Variants in CNTN4 observed in about 807,000 individuals in gnomAD.
CNTN4 encodes contactin-4.
A neutral mutation model predicts 122.5 loss-of-function variants in CNTN4; 77 were observed. The ratio of observed to expected loss-of-function variants is 0.63; its 90% CI spans 0.52 to 0.76. The LOEUF is 0.76. CNTN4 is among the 30% of genes least tolerant of loss of function. The pLI, the probability that CNTN4 is intolerant of heterozygous loss-of-function variation, is 0.00. For synonymous variants in CNTN4, 512 were observed against 447.0 expected (o/e 1.15, Z -1.83); for missense variants, 1,256 against 1,259.1 (o/e 1.00, Z 0.04).
intron 9 of CNTN4, 61 bp from the exon 10 acceptor site, chr3:2,886,979 G>T: frequency 1.4e-6 from 2 of 1,456,320 alleles, no homozygotes; most frequent in South Asian, 1.2e-5. Flanking sequence ...AAGCGTTTAG[G>T]TTCAGATAAA....
chr3:2,331,695 T>G (rs1332793046), intron 2 of CNTN4, among the ~76,000 whole-genome samples: 1 of 152,114 alleles, frequency 6.6e-6, no homozygotes, highest in Admixed American at 6.5e-5. Flanking sequence ...ATTCATTCCT[T>G]GTCTATGAGG....
At chr3:2,722,295 C>T (rs917965245) in intron 4 of CNTN4, among the ~76,000 whole-genome samples, 1 of 152,200 alleles carries the variant, frequency 6.6e-6, no homozygotes, top group Non-Finnish European at 1.5e-5. Context: ...TTACTTCTCT[C>T]TGTCTATCCT....
At chr3:2,355,209 G>A (rs2044817386) in intron 3 of CNTN4, among the ~76,000 whole-genome samples, 1 of 152,134 alleles carries the variant, frequency 6.6e-6, no homozygotes, top group Non-Finnish European at 1.5e-5. Flanking sequence ...AATTTTGTTC[G>A]TGTTTAAGGA....
At chr3:2,801,690 T>C (rs1378086433) in intron 6 of CNTN4, among the ~76,000 whole-genome samples, 1 of 150,098 alleles carries the variant, frequency 6.7e-6, no homozygotes, top group East Asian at 1.9e-4. Flanking sequence ...ATGTCTACTC[T>C]GTCAGACAGT....
At chr3:2,861,277 G>A (rs540379450) in intron 7 of CNTN4, among the ~76,000 whole-genome samples, 1 of 152,110 alleles carries the variant, frequency 6.6e-6, no homozygotes, top group Admixed American at 6.5e-5. Context: ...TTTTCCCTTT[G>A]CTCAGCACAC....
At chr3:2,773,770 T>TTTTTC (rs1446923305) in intron 6 of CNTN4, among the ~76,000 whole-genome samples, 1 of 143,674 alleles carries the variant, frequency 7.0e-6, no homozygotes, top group African/African-American at 2.6e-5. Context: ...GACTTTTTTT[T>TTTTTC]TTTTTTTTGA....
intron 7 of CNTN4, among the ~76,000 whole-genome samples, chr3:2,826,479 G>A (rs963349842): frequency 1.3e-5 from 2 of 152,160 alleles, no homozygotes; most frequent in African/African-American, 4.8e-5. Flanking sequence ...TATTTCAGCT[G>A]GACCATGCTG....
At chr3:2,796,370 T>G (rs2092180887) in intron 6 of CNTN4, among the ~76,000 whole-genome samples, 1 of 152,040 alleles carries the variant, frequency 6.6e-6, no homozygotes, top group African/African-American at 2.4e-5. Flanking sequence ...GAATTTGAAG[T>G]TTTTTAAAGG....
intron 13 of CNTN4, among the ~76,000 whole-genome samples, chr3:2,951,325 G>C (rs1353370051): frequency 6.6e-6 from 1 of 152,136 alleles, no homozygotes; most frequent in East Asian, 1.9e-4. Flanking sequence ...ATTCTCATAA[G>C]GGGCATGCAA....
At chr3:2,680,292 T>G (rs2085096802) in intron 4 of CNTN4, among the ~76,000 whole-genome samples, 1 of 152,186 alleles carries the variant, frequency 6.6e-6, no homozygotes, top group East Asian at 1.9e-4. Context: ...GCCTTGAAGG[T>G]AGTTTTGGAC....
In CNTN4 at chr3:2,814,838, G is replaced by C. The variant is rs145014342; in HGVS notation, c.359-4648G>C. On this transcript the variant is annotated intron_variant, in intron 6 of 24. Coordinates refer to ENST00000418658, the MANE Select transcript of CNTN4 (RefSeq NM_175607.3). ...TTCAGCTGTGTCACCTATAAATTGGGAGTTTAAAGTGTAATGGAATTCAAT... is the reference window on the plus strand; with the variant it reads ...TTCAGCTGTGTCACCTATAAATTGGCAGTTTAAAGTGTAATGGAATTCAAT... Among the ~76,000 whole-genome samples the C allele has an allele frequency of 5.3e-5, 8 of 152,298 alleles. No homozygotes were observed. The East Asian group carries it at 1.5e-3, about 29-fold the overall frequency.
chr3:2,697,545 C>G (rs2086107556), intron 4 of CNTN4, among the ~76,000 whole-genome samples: 1 of 152,016 alleles, frequency 6.6e-6, no homozygotes, highest in South Asian at 2.1e-4. Flanking sequence ...ATGTTTGTCC[C>G]CACAAAGAAG....
intron 3 of CNTN4, among the ~76,000 whole-genome samples, chr3:2,493,201 A>G (rs2076365297): frequency 1.3e-5 from 2 of 152,230 alleles, no homozygotes; most frequent in Non-Finnish European, 2.9e-5. Flanking sequence ...GTTGCTGTCC[A>G]TACTCTCAAA....
intron 8 of CNTN4, among the ~76,000 whole-genome samples, chr3:2,880,725 G>C (rs1343607175): frequency 6.6e-6 from 1 of 152,178 alleles, no homozygotes; most frequent in South Asian, 2.1e-4. Context: ...TCATTTCGTG[G>C]TGAGAGGCCT....
intron 23 of CNTN4, among the ~76,000 whole-genome samples, chr3:3,052,476 C>T (rs933598608): frequency 6.6e-6 from 1 of 150,970 alleles, no homozygotes; most frequent in African/African-American, 2.4e-5. Context: ...ATGGTTCTAA[C>T]ATGCAGCCAG....
intron 4 of CNTN4, among the ~76,000 whole-genome samples, chr3:2,730,874 G>C (rs1194398186): frequency 6.6e-6 from 1 of 151,896 alleles, no homozygotes; most frequent in Non-Finnish European, 1.5e-5. Flanking sequence ...GCTTGCCTGG[G>C]AGGGAAGTTC....
At chr3:2,380,057 C>CAAA (rs5846182) in intron 3 of CNTN4, among the ~76,000 whole-genome samples, 24,270 of 119,350 alleles carry the variant, frequency 0.2, 2,631 homozygotes, top group African/African-American at 0.25. Context: ...AACTCCATCT[C>CAAA]AAAAAAAAAA....
chr3:2,671,315 C>A (rs1378047830), intron 4 of CNTN4, among the ~76,000 whole-genome samples: 3 of 152,126 alleles, frequency 2.0e-5, no homozygotes, highest in African/African-American at 7.2e-5. Flanking sequence ...CTCTAAACTT[C>A]TCTTCTCACT....
chr3:2,688,958 A>C (rs1576462844), intron 4 of CNTN4, among the ~76,000 whole-genome samples: 1 of 152,294 alleles, frequency 6.6e-6, no homozygotes, highest in East Asian at 1.9e-4. Context: ...ACAGAGGTCT[A>C]ATGTAGCACC....
Sources: allele counts gnomAD v4.1 joint callset (sites outside exome capture counted in the v4.1 genomes callset), GRCh38; gene constraint gnomAD v4.1.1; transcripts MANE v1.5; gene names NCBI Gene and HGNC (gene_info 2026-07-23, HGNC 2026-07-21).